Variants in CCDC93 observed in about 807,000 individuals in gnomAD.
CCDC93 encodes the protein coiled-coil domain-containing protein 93.
In CCDC93, 61 loss-of-function variants were observed where a neutral mutation model predicts 108.2. The ratio of observed to expected loss-of-function variants is 0.56; its 90% CI spans 0.46 to 0.70. The LOEUF (loss-of-function observed/expected upper bound fraction) is 0.70. CCDC93 is among the 30% of genes least tolerant of loss of function. CCDC93 has a pLI of 0.00. For synonymous variants in CCDC93, 276 were observed against 260.4 expected (o/e 1.06, Z -0.58); for missense variants, 685 against 764.2 (o/e 0.90, Z 1.22).
chr2:118,003,092 T>TCAG (rs1228276978), intron 3 of CCDC93, among the ~76,000 whole-genome samples: 3 of 152,200 alleles, frequency 2.0e-5, no homozygotes, highest in Non-Finnish European at 4.4e-5. Context: ...CATGCAGCTC[T>TCAG]CAGCCACTCC....
intron 11 of CCDC93, among the ~76,000 whole-genome samples, chr2:117,965,979 T>C (rs1679555666): frequency 6.6e-6 from 1 of 151,870 alleles, no homozygotes; most frequent in Non-Finnish European, 1.5e-5. Context: ...AGTGTAAGAG[T>C]TACAAACCCA....
intron 22 of CCDC93, among the ~76,000 whole-genome samples, chr2:117,932,009 G>A (rs1363558157): frequency 2.0e-5 from 3 of 152,052 alleles, no homozygotes; most frequent in African/African-American, 7.2e-5. Context: ...CAAAATATTC[G>A]CAACACTGAT....
chr2:117,973,832 A>G, intron 11 of CCDC93, 76 bp downstream of exon 11: 1 of 1,076,464 alleles, frequency 9.3e-7, no homozygotes, highest in Non-Finnish European at 1.4e-6. Context: ...CTGCTGGGGT[A>G]GTGGGGTAAG....
intron 22 of CCDC93, among the ~76,000 whole-genome samples, chr2:117,933,392 A>T (rs1320039658): frequency 1.3e-5 from 2 of 152,096 alleles, no homozygotes; most frequent in African/African-American, 4.8e-5. Flanking sequence ...TACCATTGTT[A>T]TTCCCTCCTT....
At position 117,958,390 on chromosome 2, in the gene CCDC93, G is replaced by T; in HGVS notation, c.980C>A (p.Ala327Glu). ...CTCTTCAAGATGTTTGGTCTTTTGC[G>T]CAATCTGTTTGTTCAAGGAAATGAC... is the stretch of plus-strand genomic sequence containing the variant. ...RKVISLNKQI[A>E]QKTKHLEELR... The change falls in exon 12 of 24, where the codon GCG becomes GAG. Residue 327 changes from alanine (A) to glutamate (E), a missense_variant. Physicochemically the swap from Ala to Glu is moderately radical, Grantham distance 107 (BLOSUM62 -1). Coordinates refer to ENST00000376300, the MANE Select transcript of CCDC93 (RefSeq NM_019044.5). 1 of 1,610,498 alleles carries T rather than the reference G, an allele frequency of 6.2e-7. No homozygotes were observed. The highest frequency in any genetic ancestry group is 8.5e-7 in the Non-Finnish European group (1 of 1,176,728).
chr2:117,952,308 A>AGT, intron 13 of CCDC93, 65 bp downstream of exon 13: 1 of 999,762 alleles, frequency 1.0e-6, no homozygotes, highest in South Asian at 1.3e-5. Flanking sequence ...TCATTCCATT[A>AGT]GTGGTTCAGG....
chr2:117,987,465 A>G (rs974241457), intron 6 of CCDC93, among the ~76,000 whole-genome samples: 2 of 152,186 alleles, frequency 1.3e-5, no homozygotes, highest in African/African-American at 4.8e-5. Context: ...CCTAAATATC[A>G]GGGGTTTACA....
chr2:117,993,020 G>A (rs1448163049), intron 6 of CCDC93, among the ~76,000 whole-genome samples: 2 of 152,064 alleles, frequency 1.3e-5, no homozygotes, highest in South Asian at 2.1e-4. Flanking sequence ...CTCTATGGCC[G>A]AAAACTGTAC....
Position 117,983,677 on chromosome 2 carries a change from T to C in CCDC93, c.620+2292A>G, listed in dbSNP as rs562045551. ...ATATATATATATATATATATATATA[T>C]AGTCATATAATCCTCATTTAATGGG... is the stretch of plus-strand genomic sequence containing the variant. On this transcript the variant is annotated intron_variant, in intron 7 of 23. Coordinates refer to ENST00000376300, the MANE Select transcript of CCDC93 (RefSeq NM_019044.5). Among the ~76,000 whole-genome samples, 7 of 105,948 alleles carry C rather than the reference T, an allele frequency of 6.6e-5. No individual in the cohort carries two copies. In the East Asian group the frequency reaches 1.2e-3, roughly 18 times the overall value. 69.5% of individuals were successfully genotyped at this position (105,948 alleles called of 152,430 possible). A position where few individuals can be genotyped will look rare whatever the true frequency, so the allele number is the denominator to read the frequency against.
chr2:117,948,242 C>T (rs568172426), intron 14 of CCDC93, 56 bp from the exon 15 acceptor site: 42 of 1,349,894 alleles, frequency 3.1e-5, no homozygotes, highest in Non-Finnish European at 4.2e-5. Flanking sequence ...TTTTATGAAT[C>T]GCAGCTAAAA....
chr2:117,921,219 C>T (rs9284719), intron 23 of CCDC93, among the ~76,000 whole-genome samples: 54,897 of 150,656 alleles, frequency 0.36, 10,801 homozygotes, highest in African/African-American at 0.49. Context: ...TCCTTAAAAC[C>T]GAACTGTATG....
At chr2:118,006,193 CTCTCT>C (rs993681863) in intron 3 of CCDC93, among the ~76,000 whole-genome samples, 5 of 152,190 alleles carry the variant, frequency 3.3e-5, no homozygotes. Context: ...GGTCAGGAAT[CTCTCT>C]TCTGACGGAT....
Position 117,941,258 on chromosome 2 carries a change from T to C in CCDC93, c.1453A>G (p.Ile485Val). The C allele has an allele frequency of 6.2e-7, 1 of 1,614,074 alleles. No individual in the cohort carries two copies. Among genetic ancestry groups the C allele is most frequent in the African/African-American group, 1.3e-5 (1 of 75,024 alleles). The stretch of plus-strand genomic sequence containing the variant: ...TCGGCACGGCTAGGGACTTCATCAA[T>C]CTTGCGGTGCAAAATTGCTATTTCT... ...NREIAILHRK[I>V]DEVPSRAELI... is the part of the protein sequence containing the mutation. The change falls in exon 19 of 24, where the codon ATT becomes GTT. Residue 485 changes from isoleucine (I) to valine (V), a missense_variant. Transcript: ENST00000376300.
chr2:117,974,915 G>A lies in CCDC93; in HGVS notation c.751-15C>T. 1 of 1,558,142 alleles carries A rather than the reference G, an allele frequency of 6.4e-7. No individual in the cohort carries two copies. ...TGAATACGCTGCTGAAAGAGGAATG[G>A]AAGGGAGCAGCAGTGAGTGGTTCTG... On this transcript the variant is annotated splice_polypyrimidine_tract_variant and intron_variant, in intron 9 of 23. Coordinates refer to ENST00000376300, the MANE Select transcript of CCDC93 (RefSeq NM_019044.5).
chr2:118,012,128 G>C lies in CCDC93; in HGVS notation c.42+1826C>G, dbSNP rs1388943555. Among the ~76,000 whole-genome samples the C allele has an allele frequency of 9.9e-5, 15 of 152,250 alleles. No homozygotes were observed. The East Asian group carries it at 2.1e-3, about 22-fold the overall frequency. ...GTAAAGGGTTAAAAAGAATGAATTC[G>C]GGCAGGGCAGTGGCTCACATCTGCA... On this transcript the variant is annotated intron_variant, in intron 1 of 23. Transcript: ENST00000376300.
intron 1 of CCDC93, among the ~76,000 whole-genome samples, chr2:118,013,188 T>C (rs1337416889): frequency 6.6e-6 from 1 of 152,176 alleles, no homozygotes; most frequent in Non-Finnish European, 1.5e-5. Context: ...CCAGCAAACG[T>C]GGAAATCCGC....
At chr2:117,983,197 GTCATTTATTAACCATGGTC>G (rs1011298304) in intron 7 of CCDC93, among the ~76,000 whole-genome samples, 9 of 152,114 alleles carry the variant, frequency 5.9e-5, no homozygotes, top group Non-Finnish European at 1.0e-4. Flanking sequence ...TTTCCAGAAA[GTCATTTATTAACCATGGTC>G]TGATTCATTT....
chr2:117,986,773 G>C (rs937569851), intron 6 of CCDC93, among the ~76,000 whole-genome samples: 5 of 152,170 alleles, frequency 3.3e-5, no homozygotes, highest in African/African-American at 1.2e-4. Flanking sequence ...GGCCTGAGAT[G>C]ATGCTAAAGG....
chr2:117,949,456 C>T (rs1678980687), intron 13 of CCDC93, 61 bp from the exon 14 acceptor site: 2 of 1,216,970 alleles, frequency 1.6e-6, no homozygotes, highest in Non-Finnish European at 2.4e-6. Context: ...AACAACTTCA[C>T]CTTCTTTTTG....
Sources: allele counts gnomAD v4.1 joint callset (sites outside exome capture counted in the v4.1 genomes callset), GRCh38; gene constraint gnomAD v4.1.1; transcripts MANE v1.5; gene names NCBI Gene and HGNC (gene_info 2026-07-23, HGNC 2026-07-21).